TIAM2: variants seen among roughly 807,000 people sequenced by gnomAD.
TIAM2 encodes rho guanine nucleotide exchange factor TIAM2.
TIAM2 carries 80 observed loss-of-function variants against 152.9 expected under a neutral mutation model. The observed-to-expected ratio is 0.52, with a 90% CI of 0.44 to 0.63. The LOEUF is 0.63. Among genes scored for constraint, TIAM2 ranks in the 30% least tolerant of loss-of-function variants. The pLI, the probability that TIAM2 is intolerant of heterozygous loss-of-function variation, is 0.00. For synonymous variants in TIAM2, 804 were observed against 838.0 expected, an observed-to-expected ratio of 0.96 and a Z score of 0.70; for missense variants, 1,965 against 2,120.1, an observed-to-expected ratio of 0.93 and a Z score of 1.44.
At chr6:155,037,462 C>A (rs1481567917) in intron 1 of TIAM2, among the ~76,000 whole-genome samples, 4 of 152,140 alleles carry the variant, frequency 2.6e-5, no homozygotes, top group Non-Finnish European at 5.9e-5. Flanking sequence ...GAACTAAATG[C>A]ACTTTTCCCT....
intron 15 of TIAM2, among the ~76,000 whole-genome samples, chr6:155,234,423 C>T (rs187166633): frequency 1.1e-3 from 173 of 152,358 alleles, no homozygotes; most frequent in African/African-American, 3.8e-3. Flanking sequence ...CATGTGCCAC[C>T]ACAGCCAGCT....
chr6:155,223,450 T>G (rs183186027), intron 15 of TIAM2, among the ~76,000 whole-genome samples: 2 of 151,896 alleles, frequency 1.3e-5, no homozygotes, highest in Non-Finnish European at 1.5e-5. Flanking sequence ...AACCCCTAGA[T>G]GGCAAATAAA....
chr6:155,153,350 T>C (rs1191343399), intron 7 of TIAM2, among the ~76,000 whole-genome samples: 2 of 152,010 alleles, frequency 1.3e-5, no homozygotes, highest in African/African-American at 4.8e-5. Context: ...CTCACACCTG[T>C]AATCCCAGTA....
Position 155,037,290 on chromosome 6 carries a change from T to C in TIAM2, c.-209+41798T>C, listed in dbSNP as rs150311869. ...CAATGACATAAAGAAGTTGGCAGCATAACTAGCGTATAGAAGGTCCTAAGT... is the reference window on the plus strand; with the variant it reads ...CAATGACATAAAGAAGTTGGCAGCACAACTAGCGTATAGAAGGTCCTAAGT... On this transcript the variant is annotated intron_variant, in intron 1 of 26. Coordinates refer to ENST00000682666, the MANE Select transcript of TIAM2 (RefSeq NM_012454.4). Among the ~76,000 whole-genome samples the C allele has an allele frequency of 4.7e-4, 71 of 152,302 alleles. 1 individual carries two copies. In the East Asian group the frequency reaches 0.012, roughly 26 times the overall value.
intron 14 of TIAM2, among the ~76,000 whole-genome samples, chr6:155,189,354 T>C (rs1220760517): frequency 1.3e-5 from 2 of 152,164 alleles, no homozygotes; most frequent in Admixed American, 1.3e-4. Flanking sequence ...TGGTACTTTT[T>C]TTTTTTTTAA....
rs1675262318 is a variant in TIAM2, at chr6:155,256,946, G to A, written c.4931G>A (p.Arg1644Lys). 1 of 1,614,014 alleles carries A rather than the reference G, an allele frequency of 6.2e-7. No homozygotes were observed. The highest frequency in any genetic ancestry group is 1.7e-5 in the Admixed American group (1 of 59,990). ...PIKRKANSTK[R>K]DRGTLLKAQI... ...AAACGAAAAGCCAACAGCACCAAGA[G>A]GGACAGAGGAACTTTGCTCAAGGCG... The change falls in exon 27 of 27, where the codon AGG (arginine) becomes AAG (lysine). Residue 1644 changes from arginine (R) to lysine (K), a missense_variant. Arg to Lys is a conservative substitution (Grantham distance 26, BLOSUM62 2). Around this residue, in one of 3 missense-constraint regions of TIAM2, gnomAD observed 935 missense variants for 980.0 expected, o/e 0.95. Coordinates refer to ENST00000682666, the MANE Select transcript of TIAM2 (RefSeq NM_012454.4).
In TIAM2 at chr6:155,257,278, T is replaced by TTTAA. The variant is rs1401729411; in HGVS notation, c.*160_*163dup. ...AAATGGTTGTAAAGATTTAAGTTAT[T>TTTAA]TTAATTTATTGTGGATCAGAAACCT... On this transcript the variant is annotated 3_prime_UTR_variant, in exon 27 of 27. Coordinates refer to ENST00000682666, the MANE Select transcript of TIAM2 (RefSeq NM_012454.4). The TTTAA allele has an allele frequency of 5.9e-6, 5 of 840,792 alleles. No individual in the cohort carries two copies. Among genetic ancestry groups the TTTAA allele is most frequent in the Admixed American group, 3.0e-5 (1 of 33,376 alleles). The allele number at this position is 840,792 out of a possible 1,614,324, so 52.1% of individuals were successfully genotyped here. A position where few individuals can be genotyped will look rare whatever the true frequency, so the allele number is the denominator to read the frequency against.
Position 155,253,990 on chromosome 6 carries a change from A to G in TIAM2, c.4243A>G (p.Ile1415Val), listed in dbSNP as rs115968828. ...TTACATAGGGACAGAAAATAATTCC[A>G]TATGGGAACTGATCCATACGAAGTC... ...GNPAGTENNSIWELIHTKSEI... is the reference protein window; with the variant it reads ...GNPAGTENNSVWELIHTKSEI... Residue 1415 changes from isoleucine (I) to valine (V), a missense_variant, in exon 25 of 27, where the codon ATA (isoleucine) becomes GTA (valine). Physicochemically the swap from Ile to Val is conservative, Grantham distance 29. Coordinates refer to ENST00000682666, the MANE Select transcript of TIAM2 (RefSeq NM_012454.4). 5.6e-5 allele frequency: 90 copies of G among 1,613,398 alleles called. 2 individuals carry two copies. The African/African-American group carries it at 9.6e-4, about 17-fold the overall frequency.
intron 1 of TIAM2, among the ~76,000 whole-genome samples, chr6:155,008,350 A>C (rs1384643205): frequency 3.9e-5 from 6 of 152,226 alleles, no homozygotes; most frequent in Non-Finnish European, 7.3e-5. Context: ...TTACGCAGAA[A>C]GTCAGCAAAA....
chr6:155,028,702 G>C (rs1363965536), intron 1 of TIAM2, among the ~76,000 whole-genome samples: 2 of 118,196 alleles, frequency 1.7e-5, no homozygotes, highest in African/African-American at 7.2e-5. Context: ...TATATATACT[G>C]TGTTATATAT....
chr6:155,165,425 TG>T lies in TIAM2; in HGVS notation c.2361+19del. On this transcript the variant is annotated intron_variant, in intron 9 of 26. Transcript: ENST00000682666. Reference sequence around the variant, plus strand: ...TATAACTCAGGTGAGCTTTTCAGCATGGGAACAGCAGACTAGAGTGAAATTC... The same window carrying T: ...TATAACTCAGGTGAGCTTTTCAGCATGGAACAGCAGACTAGAGTGAAATTC... 6.2e-7 allele frequency: 1 copy of T among 1,607,128 alleles called. No individual in the cohort carries two copies. The highest frequency in any genetic ancestry group is 8.5e-7 in the Non-Finnish European group (1 of 1,177,684).
At chr6:155,067,385 A>C (rs1024002025) in intron 1 of TIAM2, among the ~76,000 whole-genome samples, 2 of 152,100 alleles carry the variant, frequency 1.3e-5, no homozygotes, top group African/African-American at 4.8e-5. Flanking sequence ...CGGAACTCAC[A>C]TGTCTGCTGA....
chr6:155,057,093 A>G (rs571857319), intron 1 of TIAM2, among the ~76,000 whole-genome samples: 3 of 133,868 alleles, frequency 2.2e-5, no homozygotes, highest in African/African-American at 8.6e-5. Flanking sequence ...CAGTGGTGCA[A>G]TCTCGGTTCA....
intron 14 of TIAM2, among the ~76,000 whole-genome samples, chr6:155,202,832 GT>G (rs775485103): frequency 6.9e-6 from 1 of 145,886 alleles, no homozygotes; most frequent in South Asian, 2.2e-4. Flanking sequence ...GAGGTTAGGA[GT>G]TTGAGACCAT....
intron 2 of TIAM2, among the ~76,000 whole-genome samples, chr6:155,125,219 C>T (rs1779264447): frequency 6.6e-6 from 1 of 151,966 alleles, no homozygotes; most frequent in South Asian, 2.1e-4. Flanking sequence ...TGCAGTGAGT[C>T]GAGATTGTAC....
intron 1 of TIAM2, among the ~76,000 whole-genome samples, chr6:155,035,879 CTGTAACT>C: frequency 6.6e-6 from 1 of 152,294 alleles, no homozygotes; most frequent in East Asian, 1.9e-4. Flanking sequence ...GATACAAAGA[CTGTAACT>C]TGTATCTCTT....
chr6:155,036,304 G>T (rs906110728), intron 1 of TIAM2, among the ~76,000 whole-genome samples: 5 of 151,958 alleles, frequency 3.3e-5, no homozygotes, highest in African/African-American at 1.2e-4. Context: ...AGGCCAAGGC[G>T]GGAAGATCAC....
intron 15 of TIAM2, among the ~76,000 whole-genome samples, chr6:155,236,951 C>T (rs1389763299): frequency 6.6e-6 from 1 of 152,220 alleles, no homozygotes; most frequent in Non-Finnish European, 1.5e-5. Context: ...CATATCTTCA[C>T]ATTTGAAAAC....
intron 1 of TIAM2, among the ~76,000 whole-genome samples, chr6:155,011,927 C>T (rs983035057): frequency 2.6e-5 from 4 of 152,096 alleles, no homozygotes; most frequent in African/African-American, 2.4e-5. Flanking sequence ...AAAATGTTAA[C>T]GAGAGGCTCA....
Sources: allele counts gnomAD v4.1 joint callset (sites outside exome capture counted in the v4.1 genomes callset), GRCh38; gene constraint gnomAD v4.1.1; regional missense constraint gnomAD v4.1.1; transcripts MANE v1.5; gene names NCBI Gene and HGNC (gene_info 2026-07-23, HGNC 2026-07-21).